TSNARE1: variants seen among roughly 807,000 people sequenced by gnomAD.
TSNARE1 encodes t-SNARE domain containing 1, also known as t-SNARE domain-containing protein 1.
TSNARE1 carries 49 observed loss-of-function variants against 62.0 expected under a neutral mutation model. That is an observed-to-expected ratio of 0.79 (90% CI 0.63 to 1.00). TSNARE1 has a LOEUF of 1.00. Among genes scored for constraint, TSNARE1 ranks in the 50% least tolerant of loss-of-function variants. The pLI, the probability that TSNARE1 is intolerant of heterozygous loss-of-function variation, is 0.00. For synonymous variants in TSNARE1, 328 were observed against 294.4 expected (o/e 1.11, Z -1.17); for missense variants, 755 against 700.1 (o/e 1.08, Z -0.88).
rs574617760 is a variant in TSNARE1, at chr8:142,350,403, A to C, written c.88+4234T>G. On this transcript the variant is annotated intron_variant, in intron 2 of 13. Coordinates refer to ENST00000524325, the MANE Select transcript of TSNARE1 (RefSeq NM_145003.5). ...AAATGCAACTTAACAAAACTGACCCAAGAAGAAACAGAAAGCCTGAATAAC... is the reference window on the plus strand; with the variant it reads ...AAATGCAACTTAACAAAACTGACCCCAGAAGAAACAGAAAGCCTGAATAAC... Among the ~76,000 whole-genome samples, 3 of 152,380 alleles carry C rather than the reference A, an allele frequency of 2.0e-5. No homozygotes were observed. In the South Asian group the frequency reaches 6.2e-4, roughly 32 times the overall value.
At chr8:142,385,874 T>C (rs560276773) in intron 1 of TSNARE1, among the ~76,000 whole-genome samples, 1 of 152,218 alleles carries the variant, frequency 6.6e-6, no homozygotes, top group Non-Finnish European at 1.5e-5. Flanking sequence ...GAAGTCCAGC[T>C]GGGCCATGTT....
chr8:142,316,504 T>G (rs1203201213), intron 7 of TSNARE1, among the ~76,000 whole-genome samples: 2 of 151,768 alleles, frequency 1.3e-5, no homozygotes, highest in Non-Finnish European at 2.9e-5. Flanking sequence ...AGTACAAGTT[T>G]TATTACTGTC....
chr8:142,299,440 C>T (rs891795587), intron 10 of TSNARE1, among the ~76,000 whole-genome samples: 15 of 152,368 alleles, frequency 9.8e-5, no homozygotes, highest in African/African-American at 3.4e-4. Context: ...TGGGCAGGCC[C>T]TAGCGCCTTC....
chr8:142,315,385 C>T (rs1026649030), intron 7 of TSNARE1, among the ~76,000 whole-genome samples: 7 of 152,250 alleles, frequency 4.6e-5, no homozygotes, highest in African/African-American at 1.7e-4. Flanking sequence ...CACTGTGACT[C>T]CTCTTCCACA....
At chr8:142,223,168 AC>A in intron 13 of TSNARE1, among the ~76,000 whole-genome samples, 1 of 95,704 alleles carries the variant, frequency 1.0e-5, no homozygotes, top group Admixed American at 1.1e-4. Flanking sequence ...TCACTCACTC[AC>A]TCAAGTATTC....
At chr8:142,259,997 G>A (rs907375716) in intron 12 of TSNARE1, among the ~76,000 whole-genome samples, 10 of 151,872 alleles carry the variant, frequency 6.6e-5, no homozygotes, top group South Asian at 2.1e-4. Context: ...CCCTCGGGCC[G>A]CAGAGGCCCA....
At chr8:142,347,632 T>A (rs1382962170) in intron 2 of TSNARE1, among the ~76,000 whole-genome samples, 1 of 151,916 alleles carries the variant, frequency 6.6e-6, no homozygotes, top group Non-Finnish European at 1.5e-5. Flanking sequence ...CTGCTGTCAC[T>A]CAAGGACACG....
chr8:142,302,710 C>T (rs1825982721), intron 9 of TSNARE1, among the ~76,000 whole-genome samples: 1 of 152,216 alleles, frequency 6.6e-6, no homozygotes, highest in Non-Finnish European at 1.5e-5. Flanking sequence ...CAGGTCCTAG[C>T]CTCTGAGGGC....
chr8:142,374,983 C>T (rs1041312213), intron 1 of TSNARE1, among the ~76,000 whole-genome samples: 2 of 152,164 alleles, frequency 1.3e-5, no homozygotes, highest in East Asian at 3.9e-4. Flanking sequence ...AGTTCCTGTC[C>T]CCTTTCCCCA....
chr8:142,320,947 G>A (rs941285321), intron 6 of TSNARE1, among the ~76,000 whole-genome samples: 1 of 152,198 alleles, frequency 6.6e-6, no homozygotes, highest in Non-Finnish European at 1.5e-5. Context: ...AGTGGGTCAG[G>A]CTTTTCTCTT....
At chr8:142,288,230 A>G (rs1823104566) in intron 10 of TSNARE1, among the ~76,000 whole-genome samples, 1 of 152,124 alleles carries the variant, frequency 6.6e-6, no homozygotes, top group Non-Finnish European at 1.5e-5. Flanking sequence ...GGGGTGGAAG[A>G]GGGGCAGCTG....
intron 9 of TSNARE1, 81 bp downstream of exon 9, chr8:142,314,303 C>T (rs1828160573): frequency 2.9e-6 from 4 of 1,385,136 alleles, no homozygotes; most frequent in Non-Finnish European, 3.0e-6. Flanking sequence ...GCCCTCCCCG[C>T]CCTTCCATGG....
chr8:142,275,327 C>A, intron 11 of TSNARE1: 1 of 985,432 alleles, frequency 1.0e-6, no homozygotes, highest in East Asian at 1.1e-4. Context: ...CTCTGGTTTG[C>A]CACACGCACT....
intron 9 of TSNARE1, among the ~76,000 whole-genome samples, chr8:142,311,379 C>A (rs910980518): frequency 2.7e-5 from 4 of 149,876 alleles, no homozygotes; most frequent in African/African-American, 9.9e-5. Flanking sequence ...CTCACCACAG[C>A]CTCTGCCTCC....
chr8:142,261,116 GGA>G (rs146360102), intron 12 of TSNARE1, among the ~76,000 whole-genome samples: 2 of 99,706 alleles, frequency 2.0e-5, no homozygotes, highest in Admixed American at 9.7e-5. Context: ...GAGCAGGGAA[GGA>G]GAGAGAGAGG....
rs1375320269 is a variant in TSNARE1, at chr8:142,222,816, T to C, written c.*11+6657A>G. ...CTCATCCACTCACTCACTCATTCACTCACTCACTCACTCATTCACTCACTC... is the reference window on the plus strand; with the variant it reads ...CTCATCCACTCACTCACTCATTCACCCACTCACTCACTCATTCACTCACTC... On this transcript the variant is annotated intron_variant, in intron 13 of 13. Coordinates refer to ENST00000524325, the MANE Select transcript of TSNARE1 (RefSeq NM_145003.5). Among the ~76,000 whole-genome samples the C allele has an allele frequency of 9.0e-3, 30 of 3,320 alleles. 1 individual carries two copies. Among genetic ancestry groups the C allele is most frequent in the African/African-American group, 0.018 (24 of 1,338 alleles). 2.2% of individuals were successfully genotyped at this position (3,320 alleles called of 152,430 possible). A position where few individuals can be genotyped will look rare whatever the true frequency, so the allele number is the denominator to read the frequency against.
At chr8:142,295,544 C>A (rs1453173829) in intron 10 of TSNARE1, among the ~76,000 whole-genome samples, 1 of 152,246 alleles carries the variant, frequency 6.6e-6, no homozygotes, top group Non-Finnish European at 1.5e-5. Flanking sequence ...GACGGCTGCC[C>A]TGCGGCCAGT....
At chr8:142,335,965 G>C (rs928363684) in intron 4 of TSNARE1, among the ~76,000 whole-genome samples, 3 of 152,128 alleles carry the variant, frequency 2.0e-5, no homozygotes, top group African/African-American at 7.2e-5. Flanking sequence ...CCACCAAAAA[G>C]CAGAGCTTCT....
At chr8:142,222,472 C>CATT (rs1563755197) in intron 13 of TSNARE1, among the ~76,000 whole-genome samples, 6 of 34,116 alleles carry the variant, frequency 1.8e-4, no homozygotes, top group Admixed American at 2.7e-4. Flanking sequence ...ATCCACTCAT[C>CATT]CACTCACTCA....
Sources: allele counts gnomAD v4.1 joint callset (sites outside exome capture counted in the v4.1 genomes callset), GRCh38; gene constraint gnomAD v4.1.1; transcripts MANE v1.5; gene names NCBI Gene and HGNC (gene_info 2026-07-23, HGNC 2026-07-21).